ABCA1: variants seen among roughly 807,000 people sequenced by gnomAD.
ABCA1 encodes phospholipid-transporting ATPase ABCA1.
ABCA1 carries 133 observed loss-of-function variants against 262.5 expected under a neutral mutation model. The observed-to-expected ratio is 0.51, with a 90% CI of 0.44 to 0.59. The LOEUF (loss-of-function observed/expected upper bound fraction) is 0.59, where lower values mean the gene tolerates loss of function less well. ABCA1 is among the 20% of genes least tolerant of loss of function. The pLI is 0.00. For missense variants in ABCA1, 2,452 were observed against 2,777.5 expected, an observed-to-expected ratio of 0.88 and a Z score of 2.63; for synonymous variants, 1,022 against 1,043.5, an observed-to-expected ratio of 0.98 and a Z score of 0.40.
chr9:104,790,120 C>G (rs1829299741), intron 44 of ABCA1, among the ~76,000 whole-genome samples: 1 of 151,014 alleles, frequency 6.6e-6, no homozygotes, highest in Non-Finnish European at 1.5e-5. Context: ...CCCAGAGAAG[C>G]CCCACATATT....
At chr9:104,860,057 A>C (rs1321539253) in intron 6 of ABCA1, among the ~76,000 whole-genome samples, 1 of 151,180 alleles carries the variant, frequency 6.6e-6, no homozygotes, top group East Asian at 1.9e-4. Flanking sequence ...CCAACTCAAA[A>C]AAAAAAAAAA....
intron 7 of ABCA1, among the ~76,000 whole-genome samples, chr9:104,846,313 A>G (rs1332826189): frequency 2.6e-5 from 4 of 152,256 alleles, no homozygotes; most frequent in African/African-American, 9.6e-5. Flanking sequence ...GCTTCCAAAG[A>G]GAAAAAGACG....
intron 3 of ABCA1, 123 bp downstream of exon 3, chr9:104,888,979 A>G (rs1839462709): frequency 1.1e-6 from 1 of 893,468 alleles, no homozygotes; most frequent in African/African-American, 1.6e-5. Context: ...AGGTTTTCTG[A>G]TCCAAAGCAT....
chr9:104,912,256 G>A (rs371924691), intron 1 of ABCA1, among the ~76,000 whole-genome samples: 6 of 152,144 alleles, frequency 3.9e-5, no homozygotes, highest in East Asian at 1.9e-4. Context: ...GATCCTGACC[G>A]GGTGTGGCGG....
intron 2 of ABCA1, among the ~76,000 whole-genome samples, chr9:104,899,191 G>A (rs1840458638): frequency 1.3e-5 from 2 of 152,184 alleles, no homozygotes; most frequent in South Asian, 2.1e-4. Context: ...CTAGGCCACT[G>A]AGGCAGATGG....
chr9:104,825,700 A>G lies in ABCA1; in HGVS notation c.2525T>C (p.Ile842Thr). ...CAGTGTACCTGGAAAGACAGCCTCA[A>G]TGTACCAGGTCATCACCCCATAGAG... is the stretch of plus-strand genomic sequence containing the variant. ...TFLYGVMTWY[I>T]EAVFPGQYGI... Residue 842 changes from isoleucine to threonine, a missense_variant, in exon 17 of 50, where the codon ATT (isoleucine) becomes ACT (threonine). By Grantham distance (89) the Ile-to-Thr change is moderately conservative. Transcript: ENST00000374736. 6.2e-7 allele frequency: 1 copy of G among 1,614,220 alleles called. No individual in the cohort carries two copies. The highest frequency in any genetic ancestry group is 8.5e-7 in the Non-Finnish European group (1 of 1,180,030).
chr9:104,817,991 C>A lies in ABCA1; in HGVS notation c.3463-587G>T, dbSNP rs547975862. Among the ~76,000 whole-genome samples the A allele has an allele frequency of 6.6e-6, 1 of 152,146 alleles. No individual in the cohort carries two copies. The highest frequency in any genetic ancestry group is 6.5e-5 in the Admixed American group (1 of 15,278). ...ACAAATAAATCTCAGGCATGTACTG[C>A]GGTACAGAGGAAAACATACCTGGTA... On this transcript the variant is annotated intron_variant, in intron 23 of 49. Coordinates refer to ENST00000374736, the MANE Select transcript of ABCA1 (RefSeq NM_005502.4). The surrounding 1 kb of genome is among the most constrained non-coding windows in gnomAD (Gnocchi z 4.7).
intron 34 of ABCA1, among the ~76,000 whole-genome samples, chr9:104,801,118 A>AAAAT (rs1554704803): frequency 6.6e-6 from 1 of 151,976 alleles, no homozygotes; most frequent in Non-Finnish European, 1.5e-5. Flanking sequence ...TGCCAGCTTA[A>AAAAT]AAAAAAAAAA....
At chr9:104,882,028 T>TAAAAAAAAAAAAAAAACA (rs1838704353) in intron 5 of ABCA1, among the ~76,000 whole-genome samples, 1 of 73,748 alleles carries the variant, frequency 1.4e-5, no homozygotes, top group Non-Finnish European at 2.6e-5. Context: ...TCTGTAGCCT[T>TAAAAAAAAAAAAAAAACA]AAAAAAAAAA....
chr9:104,903,718 C>A lies in ABCA1; in HGVS notation c.-39G>T, dbSNP rs753480380. ...GCACCCCCAGCGTGTGGCTCGGGAG[C>A]CCTGGAAGGCAGCGGCCAGAGCTCA... On this transcript the variant is annotated 5_prime_UTR_variant, in exon 2 of 50. Coordinates refer to ENST00000374736, the MANE Select transcript of ABCA1 (RefSeq NM_005502.4). The A allele has an allele frequency of 6.4e-7, 1 of 1,556,292 alleles. No individual in the cohort carries two copies. The highest frequency in any genetic ancestry group is 1.2e-5 in the South Asian group (1 of 84,572).
chr9:104,826,940 G>C lies in ABCA1; in HGVS notation c.2337+8C>G. ...TACAGCCACTGAAGAAAGGCCAGAG[G>C]TACTCACAGCGAAGATCTTGAGTGT... is the stretch of plus-strand genomic sequence containing the variant. On this transcript the variant is annotated splice_region_variant and intron_variant, in intron 16 of 49. Transcript: ENST00000374736. 6.2e-7 allele frequency: 1 copy of C among 1,612,596 alleles called. No homozygotes were observed. The highest frequency in any genetic ancestry group is 8.5e-7 in the Non-Finnish European group (1 of 1,179,422).
At chr9:104,806,706 A>T (rs1186765178) in intron 30 of ABCA1, among the ~76,000 whole-genome samples, 1 of 152,178 alleles carries the variant, frequency 6.6e-6, no homozygotes, top group Non-Finnish European at 1.5e-5. Context: ...GTTCAATCCA[A>T]TCAACCAACC....
chr9:104,843,498 C>CA (rs759307776), intron 8 of ABCA1, among the ~76,000 whole-genome samples: 4 of 152,210 alleles, frequency 2.6e-5, no homozygotes, highest in Non-Finnish European at 5.9e-5. Flanking sequence ...GGCAACAACA[C>CA]AGGCTTTGGA....
At chr9:104,855,679 G>A (rs1486461765) in intron 7 of ABCA1, 6 of 1,496,678 alleles carry the variant, frequency 4.0e-6, no homozygotes, top group Non-Finnish European at 5.3e-6. Flanking sequence ...TGTGTATGTA[G>A]AAGAAGAGAA....
rs1830255275 is a variant in ABCA1, at chr9:104,800,667, G to A, written c.4699-83C>T. ...GTCAATCTGGAACCTGTGGACAACA[G>A]GACGGCCCTGTGAAGAGCAATGCCA... On this transcript the variant is annotated intron_variant, in intron 34 of 49. Transcript: ENST00000374736. 2.4e-6 allele frequency: 3 copies of A among 1,269,038 alleles called. No homozygotes were observed. In the Admixed American group the frequency reaches 5.0e-5, roughly 21 times the overall value. The allele number at this position is 1,269,038 out of a possible 1,614,324, so 78.6% of individuals were successfully genotyped here.
chr9:104,804,468 G>A (rs1002977284), intron 32 of ABCA1, among the ~76,000 whole-genome samples, 158 bp downstream of exon 32: 3 of 152,112 alleles, frequency 2.0e-5, no homozygotes, highest in Admixed American at 1.3e-4. Context: ...AGTCCCTCTC[G>A]TCATCTTTTC....
chr9:104,858,315 G>A (rs561757967), intron 7 of ABCA1, among the ~76,000 whole-genome samples: 160 of 152,204 alleles, frequency 1.1e-3, no homozygotes, highest in Middle Eastern at 3.4e-3. Context: ...GCCACACCCA[G>A]CTTATTCTTC....
intron 31 of ABCA1, 76 bp downstream of exon 31, chr9:104,806,165 C>G: frequency 6.9e-7 from 1 of 1,439,986 alleles, no homozygotes; most frequent in Non-Finnish European, 9.6e-7. Context: ...ATATCTCACT[C>G]ATTCCTGCTT....
chr9:104,840,635 T>C (rs1419895058), intron 8 of ABCA1, 116 bp from the exon 9 acceptor site: 2 of 1,095,834 alleles, frequency 1.8e-6, no homozygotes, highest in Non-Finnish European at 2.6e-6. Flanking sequence ...TCAAAAGCCA[T>C]GTCCCAGAAC....
Sources: allele counts gnomAD v4.1 joint callset (sites outside exome capture counted in the v4.1 genomes callset), GRCh38; gene constraint gnomAD v4.1.1; non-coding constraint Gnocchi (gnomAD v3.1); transcripts MANE v1.5; gene names NCBI Gene and HGNC (gene_info 2026-07-23, HGNC 2026-07-21).